Variants in DHRS7C observed in about 807,000 individuals in gnomAD.
DHRS7C encodes the protein dehydrogenase/reductase SDR family member 7C.
A neutral mutation model predicts 29.6 loss-of-function variants in DHRS7C; 28 were observed. That is an observed-to-expected ratio of 0.95 (90% CI 0.70 to 1.30). The LOEUF (loss-of-function observed/expected upper bound fraction) is 1.30, where lower values mean the gene tolerates loss of function less well. Ranked by LOEUF, DHRS7C falls within the 50% of genes most tolerant of loss-of-function variation. DHRS7C has a pLI of 0.00. For missense variants in DHRS7C, 403 were observed against 393.3 expected, an observed-to-expected ratio of 1.02 and a Z score of -0.21; for synonymous variants, 158 against 160.2, an observed-to-expected ratio of 0.99 and a Z score of 0.10.
At chr17:9,787,747 G>A (rs995345703) in intron 1 of DHRS7C, among the ~76,000 whole-genome samples, 25 of 152,054 alleles carry the variant, frequency 1.6e-4, no homozygotes, top group African/African-American at 5.5e-4. Context: ...TCACTCTGTC[G>A]CCCAGACTGG....
intron 2 of DHRS7C, 65 bp from the exon 3 acceptor site, chr17:9,780,100 C>G (rs2066385496): frequency 7.6e-6 from 11 of 1,439,556 alleles, no homozygotes; most frequent in Non-Finnish European, 1.0e-5. Context: ...ACCTTGGGAG[C>G]CCTCGATCTA....
intron 1 of DHRS7C, among the ~76,000 whole-genome samples, chr17:9,789,988 C>T (rs572632776): frequency 1.3e-5 from 2 of 152,264 alleles, no homozygotes; most frequent in East Asian, 3.9e-4. Flanking sequence ...CTGCCTTATG[C>T]TTTGTTTTTT....
intron 4 of DHRS7C, among the ~76,000 whole-genome samples, chr17:9,776,747 T>G (rs2152015725): frequency 6.6e-6 from 1 of 152,294 alleles, no homozygotes; most frequent in Admixed American, 6.5e-5. Context: ...TTTTTCCTGG[T>G]TTCTTCCTCA....
intron 2 of DHRS7C, among the ~76,000 whole-genome samples, chr17:9,780,908 C>G (rs926926791): frequency 2.6e-5 from 4 of 152,192 alleles, no homozygotes; most frequent in Non-Finnish European, 5.9e-5. Flanking sequence ...TCTGTGTTGT[C>G]CTGTTTGATT....
intron 3 of DHRS7C, 78 bp downstream of exon 3, chr17:9,779,747 G>A (rs1692116001): frequency 7.1e-7 from 1 of 1,416,164 alleles, no homozygotes; most frequent in African/African-American, 1.4e-5. Context: ...AGAATAGGAT[G>A]ACTGTCTGGC....
At chr17:9,782,437 A>C (rs530187584) in intron 1 of DHRS7C, among the ~76,000 whole-genome samples, 5 of 152,158 alleles carry the variant, frequency 3.3e-5, no homozygotes, top group Non-Finnish European at 7.4e-5. Flanking sequence ...TGGTCTCAGG[A>C]AAGTCTAGCT....
intron 3 of DHRS7C, among the ~76,000 whole-genome samples, chr17:9,777,728 A>G (rs979083743): frequency 6.6e-6 from 1 of 152,058 alleles, no homozygotes; most frequent in African/African-American, 2.4e-5. Flanking sequence ...TTCTCCTAGT[A>G]TGGAAGGAAG....
At chr17:9,778,394 CAAAA>C (rs60847065) in intron 3 of DHRS7C, among the ~76,000 whole-genome samples, 5 of 82,964 alleles carry the variant, frequency 6.0e-5, no homozygotes, top group Non-Finnish European at 7.4e-5. Flanking sequence ...GACTCCGTCT[CAAAA>C]AAAAAAAAAA....
At chr17:9,786,328 AAATAATAAT>A (rs200610370) in intron 1 of DHRS7C, among the ~76,000 whole-genome samples, 1,398 of 138,180 alleles carry the variant, frequency 0.01, 20 homozygotes, top group African/African-American at 0.034. Flanking sequence ...ACTCCGTCTC[AAATAATAAT>A]AATAATAATA....
chr17:9,773,829 G>C (rs2066346234), intron 4 of DHRS7C, among the ~76,000 whole-genome samples: 1 of 144,746 alleles, frequency 6.9e-6, no homozygotes, highest in South Asian at 2.2e-4. Context: ...GTTTCAAGCA[G>C]TTCTCCTGCC....
chr17:9,789,091 T>C (rs2066440276), intron 1 of DHRS7C, among the ~76,000 whole-genome samples: 1 of 152,128 alleles, frequency 6.6e-6, no homozygotes. Flanking sequence ...AACACACATC[T>C]CTCAACGATC....
chr17:9,780,947 G>T (rs373122734), intron 2 of DHRS7C, among the ~76,000 whole-genome samples: 3 of 152,144 alleles, frequency 2.0e-5, no homozygotes, highest in East Asian at 1.9e-4. Flanking sequence ...ACTTACCTCC[G>T]AATTACTTTG....
chr17:9,776,904 A>G (rs184859896), intron 4 of DHRS7C, among the ~76,000 whole-genome samples: 1 of 152,290 alleles, frequency 6.6e-6, no homozygotes, highest in East Asian at 1.9e-4. Context: ...CGTGACCTTC[A>G]CCTGGCATTG....
intron 5 of DHRS7C, among the ~76,000 whole-genome samples, chr17:9,772,429 G>C (rs56116083): frequency 0.011 from 1,623 of 152,274 alleles, 27 homozygotes; most frequent in African/African-American, 0.037. Context: ...GCAAGGGAAA[G>C]GGGGAGCGGG....
Position 9,775,400 on chromosome 17 carries a change from A to T in DHRS7C, c.571+1793T>A, listed in dbSNP as rs2066356432. ...GGTGCGACTGAGTTCTCCCAATAGG[A>T]TGTGAGCAGCGGTGATGCCAGCCTG... On this transcript the variant is annotated intron_variant, in intron 4 of 5. Coordinates refer to ENST00000571134, the MANE Select transcript of DHRS7C (RefSeq NM_001105571.3). The surrounding 1 kb of genome is among the most constrained non-coding windows in gnomAD (Gnocchi z 4.2). Among the ~76,000 whole-genome samples the T allele has an allele frequency of 6.6e-6, 1 of 152,282 alleles. No individual in the cohort carries two copies. The highest frequency in any genetic ancestry group is 6.5e-5 in the Admixed American group (1 of 15,300).
intron 1 of DHRS7C, among the ~76,000 whole-genome samples, chr17:9,790,141 C>T (rs577137105): frequency 1.2e-4 from 18 of 152,254 alleles, no homozygotes; most frequent in Admixed American, 7.8e-4. Context: ...AACGTTCTCA[C>T]GATGGCAGCA....
chr17:9,786,347 A>C (rs928896906), intron 1 of DHRS7C, among the ~76,000 whole-genome samples: 1 of 142,994 alleles, frequency 7.0e-6, no homozygotes, highest in Non-Finnish European at 1.6e-5. Context: ...TAATAATAAT[A>C]ATAATAATAA....
At chr17:9,776,435 C>T (rs1039994250) in intron 4 of DHRS7C, among the ~76,000 whole-genome samples, 9 of 152,178 alleles carry the variant, frequency 5.9e-5, no homozygotes, top group African/African-American at 1.2e-4. Context: ...TATTTTGTTA[C>T]GGCAGCCTGA....
intron 1 of DHRS7C, among the ~76,000 whole-genome samples, chr17:9,787,724 TG>T (rs2066432052): frequency 6.6e-6 from 1 of 152,156 alleles, no homozygotes; most frequent in Non-Finnish European, 1.5e-5. Context: ...TTAATTTTTT[TG>T]GGGACAGGGT....
Sources: allele counts gnomAD v4.1 joint callset (sites outside exome capture counted in the v4.1 genomes callset), GRCh38; gene constraint gnomAD v4.1.1; non-coding constraint Gnocchi (gnomAD v3.1); transcripts MANE v1.5; gene names NCBI Gene and HGNC (gene_info 2026-07-23, HGNC 2026-07-21).